The following CACNA2D1 variants were observed in gnomAD, a reference collection of about 807,000 sequenced individuals.
The protein encoded by CACNA2D1 is voltage-dependent calcium channel subunit alpha-2/delta-1.
CACNA2D1 carries 53 observed loss-of-function variants against 171.5 expected under a neutral mutation model. The ratio of observed to expected loss-of-function variants is 0.31; its 90% confidence interval spans 0.25 to 0.39. The LOEUF (loss-of-function observed/expected upper bound fraction) is 0.39. Ranked by LOEUF, CACNA2D1 falls within the 10% of genes least tolerant of loss-of-function variation. The probability of loss-of-function intolerance (pLI) is 1.00; values close to 1 mark genes in which losing one functional copy is unlikely to be tolerated. For synonymous variants in CACNA2D1, 442 were observed against 443.1 expected (o/e 1.00, Z 0.03); for missense variants, 903 against 1,299.8 (o/e 0.69, Z 4.69).
intron 3 of CACNA2D1, among the ~76,000 whole-genome samples, chr7:82,171,925 C>T (rs989594769): frequency 3.9e-5 from 6 of 152,052 alleles, no homozygotes; most frequent in African/African-American, 4.8e-5. Context: ...GTCCAGTCTA[C>T]ACTGGATAAA....
At chr7:82,029,295 T>A (rs560536018) in intron 12 of CACNA2D1, 8 of 151,920 alleles carry the variant, frequency 5.3e-5, no homozygotes, top group African/African-American at 1.9e-4. Context: ...GTACTTTTTT[T>A]AGACAAAGTG....
In CACNA2D1 at chr7:82,178,869, G is replaced by A. The variant is rs575170817; in HGVS notation, c.295-8260C>T. On this transcript the variant is annotated intron_variant, in intron 3 of 38. Coordinates refer to ENST00000356860, the MANE Select transcript of CACNA2D1 (RefSeq NM_000722.4). ...CAGGAAGCAGTTCTTTCACATCTGC[G>A]CACCTCCAGTATCTTATACAACGTG... Among the ~76,000 whole-genome samples, 11 of 152,072 alleles carry A rather than the reference G, an allele frequency of 7.2e-5. No individual in the cohort carries two copies. In the East Asian group the frequency reaches 1.6e-3, roughly 21 times the overall value.
intron 1 of CACNA2D1, among the ~76,000 whole-genome samples, chr7:82,392,497 G>A (rs931216943): frequency 1.1e-4 from 16 of 152,304 alleles, no homozygotes; most frequent in African/African-American, 3.6e-4. Flanking sequence ...ATGCAGGGGG[G>A]CTGGGACACA....
rs534253991 is a variant in CACNA2D1 at position 82,413,533 on chromosome 7, C to G, written c.95+29832G>C. Among the ~76,000 whole-genome samples, 6 of 152,274 alleles carry G rather than the reference C, an allele frequency of 3.9e-5. No individual in the cohort carries two copies. In the East Asian group the frequency reaches 9.6e-4, roughly 24 times the overall value. ...CCTTAGGAAAATAAATGGACTTGTT[C>G]TATTATTCATACTTGGCAGAAAAAC... On this transcript the variant is annotated intron_variant, in intron 1 of 38. Coordinates refer to ENST00000356860, the MANE Select transcript of CACNA2D1 (RefSeq NM_000722.4).
intron 2 of CACNA2D1, among the ~76,000 whole-genome samples, chr7:82,343,399 A>G (rs1818903169): frequency 1.3e-5 from 2 of 152,236 alleles, no homozygotes; most frequent in Admixed American, 1.3e-4. Flanking sequence ...ACAAGTGACA[A>G]TCGCAAACAG....
chr7:82,351,643 A>G (rs972558440), intron 1 of CACNA2D1, among the ~76,000 whole-genome samples: 21 of 152,132 alleles, frequency 1.4e-4, no homozygotes, highest in Non-Finnish European at 2.2e-4. Context: ...TAAAATAGAG[A>G]AAAATTGTTA....
chr7:82,389,239 GT>G (rs1452031150), intron 1 of CACNA2D1, among the ~76,000 whole-genome samples: 4 of 149,800 alleles, frequency 2.7e-5, no homozygotes, highest in East Asian at 1.9e-4. Context: ...AAGGATGGGA[GT>G]TTTTTTTAGT....
intron 3 of CACNA2D1, among the ~76,000 whole-genome samples, chr7:82,235,005 C>T (rs554693372): frequency 6.6e-6 from 1 of 152,110 alleles, no homozygotes. Flanking sequence ...ATAATAAATG[C>T]ACCTCCAGTC....
At chr7:82,289,292 C>G (rs548349469) in intron 3 of CACNA2D1, among the ~76,000 whole-genome samples, 1 of 151,852 alleles carries the variant, frequency 6.6e-6, no homozygotes, top group Non-Finnish European at 1.5e-5. Context: ...TCTTTTGACA[C>G]CTCACATTTT....
intron 1 of CACNA2D1, among the ~76,000 whole-genome samples, chr7:82,385,619 T>G (rs1824258107): frequency 1.3e-5 from 2 of 148,318 alleles, no homozygotes; most frequent in South Asian, 4.1e-4. Context: ...TAGTACAGTT[T>G]CAGACATTAT....
chr7:82,382,212 A>G (rs901045243), intron 1 of CACNA2D1, among the ~76,000 whole-genome samples: 2 of 152,216 alleles, frequency 1.3e-5, no homozygotes, highest in African/African-American at 4.8e-5. Flanking sequence ...TTTCAATTTA[A>G]GGAAATTTCC....
rs1585986660 is a variant in CACNA2D1 at position 82,443,765 on chromosome 7, G to A, written c.-306C>T. Reference sequence around the variant, plus strand: ...GACCTCGGCGAGCCCGCCGGCGCTCGCGCGCTCTCGCTCTCCCTCTCGGTT... The same window carrying A: ...GACCTCGGCGAGCCCGCCGGCGCTCACGCGCTCTCGCTCTCCCTCTCGGTT... On this transcript the variant is annotated 5_prime_UTR_variant, in exon 1 of 39. Transcript: ENST00000356860. 7 of 1,107,642 alleles carry A rather than the reference G, an allele frequency of 6.3e-6. No homozygotes were observed. The East Asian group carries it at 2.3e-4, about 36-fold the overall frequency. 68.6% of individuals were successfully genotyped at this position (1,107,642 alleles called of 1,614,324 possible).
intron 3 of CACNA2D1, among the ~76,000 whole-genome samples, chr7:82,199,636 C>T (rs764170880): frequency 4.6e-5 from 7 of 151,952 alleles, no homozygotes; most frequent in Non-Finnish European, 7.4e-5. Context: ...AAAATATCTT[C>T]AAATTGAGTT....
chr7:82,194,950 G>C (rs1798702625), intron 3 of CACNA2D1, among the ~76,000 whole-genome samples: 1 of 151,990 alleles, frequency 6.6e-6, no homozygotes, highest in Non-Finnish European at 1.5e-5. Flanking sequence ...GTCATATGAA[G>C]ATAATCGTAA....
At chr7:82,086,250 G>T (rs1476658453) in intron 6 of CACNA2D1, among the ~76,000 whole-genome samples, 1 of 152,110 alleles carries the variant, frequency 6.6e-6, no homozygotes. Context: ...AAGATGCACG[G>T]CCTATGTGTT....
Position 81,985,130 on chromosome 7 carries a change from T to C in CACNA2D1, c.1797-419A>G, listed in dbSNP as rs188621545. Among the ~76,000 whole-genome samples the C allele has an allele frequency of 3.9e-5, 6 of 152,044 alleles. No homozygotes were observed. In the East Asian group the frequency reaches 1.2e-3, roughly 29 times the overall value. On this transcript the variant is annotated intron_variant, in intron 21 of 38. Transcript: ENST00000356860. ...CACTTCCTTAACGTATTATATATAA[T>C]GTTAAAGTGCTTTGTATAAAATGGA...
chr7:82,149,735 T>G (rs1307858249), intron 4 of CACNA2D1, among the ~76,000 whole-genome samples: 1 of 149,642 alleles, frequency 6.7e-6, no homozygotes. Flanking sequence ...GAGACCACCC[T>G]GGCTAATACG....
chr7:82,313,131 T>C (rs1814681883), intron 3 of CACNA2D1, among the ~76,000 whole-genome samples: 1 of 152,046 alleles, frequency 6.6e-6, no homozygotes, highest in Admixed American at 6.6e-5. Flanking sequence ...ATGAGCTAGG[T>C]TTTCCAATCT....
At chr7:82,064,229 G>T in intron 9 of CACNA2D1, 75 bp downstream of exon 9, 2 of 993,454 alleles carry the variant, frequency 2.0e-6, no homozygotes, top group South Asian at 1.5e-5. Context: ...ACCTTTCTTA[G>T]TCCCACCATA....
Sources: allele counts gnomAD v4.1 joint callset (sites outside exome capture counted in the v4.1 genomes callset), GRCh38; gene constraint gnomAD v4.1.1; transcripts MANE v1.5; gene names NCBI Gene and HGNC (gene_info 2026-07-23, HGNC 2026-07-21).